RBFOX1: variants seen among roughly 807,000 people sequenced by gnomAD.
RBFOX1 encodes the protein RNA binding protein fox-1 homolog 1.
RBFOX1 carries 8 observed loss-of-function variants against 57.7 expected under a neutral mutation model. That is an observed-to-expected ratio of 0.14 (90% CI 0.08 to 0.25). The LOEUF (loss-of-function observed/expected upper bound fraction) is 0.25. RBFOX1 is among the 10% of genes least tolerant of loss of function. The pLI is 1.00. For missense variants in RBFOX1, 611 were observed against 548.5 expected, an observed-to-expected ratio of 1.11 and a Z score of -1.14; for synonymous variants, 326 against 222.4, an observed-to-expected ratio of 1.47 and a Z score of -4.15.
At chr16:6,245,402 A>G (rs958867365) in intron 1 of RBFOX1, among the ~76,000 whole-genome samples, 2 of 152,146 alleles carry the variant, frequency 1.3e-5, no homozygotes, top group Admixed American at 6.6e-5. Context: ...ATCTGCACCA[A>G]TAATTCCAGT....
chr16:6,963,382 A>C (rs962569998), intron 3 of RBFOX1, among the ~76,000 whole-genome samples: 12 of 148,138 alleles, frequency 8.1e-5, no homozygotes, highest in Non-Finnish European at 1.5e-4. Flanking sequence ...TAGAATTAAA[A>C]CACACACACA....
At chr16:6,339,684 A>G (rs369711447) in intron 2 of RBFOX1, among the ~76,000 whole-genome samples, 1 of 98,598 alleles carries the variant, frequency 1.0e-5, no homozygotes, top group African/African-American at 5.1e-5. Context: ...ATTTTATTTT[A>G]TTTTTTGAGA....
At chr16:6,278,246 T>G (rs973915027) in intron 1 of RBFOX1, among the ~76,000 whole-genome samples, 2 of 151,936 alleles carry the variant, frequency 1.3e-5, no homozygotes, top group African/African-American at 2.4e-5. Context: ...GCAGGCAATT[T>G]CCTGCCCTAG....
At chr16:5,441,702 G>T (rs1266237994) in intron 1 of RBFOX1, among the ~76,000 whole-genome samples, 1 of 152,114 alleles carries the variant, frequency 6.6e-6, no homozygotes, top group Admixed American at 6.5e-5. Flanking sequence ...CAGCATGGCT[G>T]GGGAGGCCTC....
chr16:5,626,583 T>C (rs2048356869), intron 3 of RBFOX1, among the ~76,000 whole-genome samples: 2 of 152,206 alleles, frequency 1.3e-5, no homozygotes, highest in Admixed American at 1.3e-4. Context: ...AATACCCCTG[T>C]TCCTTCCTCT....
At chr16:7,554,317 C>A (rs2087591577) in intron 5 of RBFOX1, among the ~76,000 whole-genome samples, 1 of 152,164 alleles carries the variant, frequency 6.6e-6, no homozygotes. Flanking sequence ...TAAATACTTT[C>A]CATGCATTAT....
intron 2 of RBFOX1, among the ~76,000 whole-genome samples, chr16:6,416,099 C>T (rs1045010669): frequency 1.3e-5 from 2 of 152,160 alleles, no homozygotes; most frequent in Admixed American, 1.3e-4. Context: ...GAATATTTAT[C>T]GTCTTGTAAG....
intron 2 of RBFOX1, among the ~76,000 whole-genome samples, chr16:6,624,996 C>G (rs1394442496): frequency 6.6e-6 from 1 of 151,802 alleles, no homozygotes; most frequent in Non-Finnish European, 1.5e-5. Flanking sequence ...GAAACCCCAT[C>G]TCTACTAAAA....
chr16:6,336,124 G>GAT (rs1468147562), intron 2 of RBFOX1, among the ~76,000 whole-genome samples: 10 of 115,016 alleles, frequency 8.7e-5, no homozygotes, highest in East Asian at 3.0e-4. Context: ...AAATAACTGT[G>GAT]ATATATATAT....
At chr16:6,591,654 G>T (rs76673293) in intron 2 of RBFOX1, among the ~76,000 whole-genome samples, 6 of 152,282 alleles carry the variant, frequency 3.9e-5, no homozygotes, top group South Asian at 2.1e-4. Flanking sequence ...AGTCTTAGCT[G>T]TTGTGACACG....
At chr16:5,827,439 T>A (rs2056103875) in intron 3 of RBFOX1, among the ~76,000 whole-genome samples, 1 of 150,308 alleles carries the variant, frequency 6.7e-6, no homozygotes, top group African/African-American at 2.5e-5. Context: ...AAAAGCTGCA[T>A]TGAACAACTC....
At chr16:6,724,789 C>T (rs1276909357) in intron 3 of RBFOX1, among the ~76,000 whole-genome samples, 1 of 151,906 alleles carries the variant, frequency 6.6e-6, no homozygotes. Context: ...AGGTTTGTTA[C>T]ATAAGTAAAT....
At chr16:6,238,960 C>G (rs558695718) in intron 1 of RBFOX1, among the ~76,000 whole-genome samples, 10 of 152,100 alleles carry the variant, frequency 6.6e-5, no homozygotes, top group Non-Finnish European at 1.3e-4. Flanking sequence ...TGACCATAGT[C>G]ACCCTGTTGT....
chr16:5,741,917 A>T (rs2052781449), intron 3 of RBFOX1, among the ~76,000 whole-genome samples: 1 of 152,248 alleles, frequency 6.6e-6, no homozygotes, highest in Non-Finnish European at 1.5e-5. Flanking sequence ...TGCATATGGT[A>T]GTTCCAGTAT....
chr16:5,830,632 A>G (rs1205279825), intron 3 of RBFOX1, among the ~76,000 whole-genome samples: 1 of 152,130 alleles, frequency 6.6e-6, no homozygotes, highest in Non-Finnish European at 1.5e-5. Flanking sequence ...ATGGGAAGAT[A>G]AAATGCAGCA....
chr16:6,987,929 C>T (rs1401439865), intron 3 of RBFOX1, among the ~76,000 whole-genome samples: 1 of 151,914 alleles, frequency 6.6e-6, no homozygotes. Flanking sequence ...GGAATGAGAT[C>T]CCACAGGAAA....
intron 3 of RBFOX1, among the ~76,000 whole-genome samples, chr16:6,865,213 G>A (rs12927462): frequency 6.6e-6 from 1 of 151,636 alleles, no homozygotes. Flanking sequence ...ATGTTGGCCA[G>A]GCTGGTCTCG....
At chr16:7,332,103 C>T (rs910813977) in intron 4 of RBFOX1, among the ~76,000 whole-genome samples, 8 of 152,172 alleles carry the variant, frequency 5.3e-5, no homozygotes, top group Admixed American at 3.3e-4. Context: ...AATGTTATTA[C>T]AGACTGAAAT....
intron 1 of RBFOX1, among the ~76,000 whole-genome samples, chr16:6,153,899 A>T (rs1386819395): frequency 6.6e-6 from 1 of 152,198 alleles, no homozygotes; most frequent in Non-Finnish European, 1.5e-5. Flanking sequence ...GAGAACATAC[A>T]ATGTTTTGTT....
Sources: allele counts gnomAD v4.1 joint callset (sites outside exome capture counted in the v4.1 genomes callset), GRCh38; gene constraint gnomAD v4.1.1; transcripts MANE v1.5; gene names NCBI Gene and HGNC (gene_info 2026-07-23, HGNC 2026-07-21).